The following RAB3GAP1 variants were observed in gnomAD, a reference collection of about 807,000 sequenced individuals.
RAB3GAP1 encodes rab3 GTPase-activating protein catalytic subunit.
In RAB3GAP1, 86 loss-of-function variants were observed where a neutral mutation model predicts 130.7. That is an observed-to-expected ratio of 0.66 (90% CI 0.55 to 0.79). The LOEUF (loss-of-function observed/expected upper bound fraction) is 0.79. RAB3GAP1 is among the 30% of genes least tolerant of loss of function. The pLI is 0.00. For synonymous variants in RAB3GAP1, 367 were observed against 401.7 expected, an observed-to-expected ratio of 0.91 and a Z score of 1.03; for missense variants, 1,029 against 1,169.4, an observed-to-expected ratio of 0.88 and a Z score of 1.75.
At chr2:135,127,206 G>A (rs1414091971) in intron 11 of RAB3GAP1, among the ~76,000 whole-genome samples, 1 of 146,088 alleles carries the variant, frequency 6.8e-6, no homozygotes, top group Non-Finnish European at 1.5e-5. Context: ...TTTTTTTTCC[G>A]GATGCTTTTA....
intron 17 of RAB3GAP1, among the ~76,000 whole-genome samples, chr2:135,140,811 C>CAT (rs1691817776): frequency 6.6e-6 from 1 of 152,182 alleles, no homozygotes; most frequent in Admixed American, 6.5e-5. Flanking sequence ...AGTGTTTAGG[C>CAT]ATAGTGAGTC....
At chr2:135,069,232 T>A (rs1689403596) in intron 3 of RAB3GAP1, among the ~76,000 whole-genome samples, 1 of 152,222 alleles carries the variant, frequency 6.6e-6, no homozygotes, top group African/African-American at 2.4e-5. Flanking sequence ...TTGTATAAGA[T>A]ATGCAGTGTA....
intron 7 of RAB3GAP1, among the ~76,000 whole-genome samples, chr2:135,119,837 G>T (rs1039091949): frequency 6.6e-6 from 1 of 152,214 alleles, no homozygotes; most frequent in Non-Finnish European, 1.5e-5. Flanking sequence ...TTCCCTAGGT[G>T]ATTCCTATGC....
intron 14 of RAB3GAP1, 57 bp downstream of exon 14, chr2:135,133,041 G>T: frequency 9.6e-7 from 1 of 1,037,256 alleles, no homozygotes; most frequent in Non-Finnish European, 1.5e-6. Flanking sequence ...ATTTCTAGAG[G>T]TTCTATATAT....
At chr2:135,126,130 A>G (rs779228905) in intron 9 of RAB3GAP1, 51 bp from the exon 10 acceptor site, 5 of 1,303,560 alleles carry the variant, frequency 3.8e-6, no homozygotes. Flanking sequence ...AGTATTAAAT[A>G]TAATTGCTGA....
chr2:135,140,497 CAAG>C (rs1558796155), intron 17 of RAB3GAP1, among the ~76,000 whole-genome samples: 1 of 152,156 alleles, frequency 6.6e-6, no homozygotes. Context: ...TAATTTATTA[CAAG>C]AAGATCAGCA....
At chr2:135,109,999 G>T (rs746224444) in intron 5 of RAB3GAP1, among the ~76,000 whole-genome samples, 2 of 151,684 alleles carry the variant, frequency 1.3e-5, no homozygotes, top group Non-Finnish European at 2.9e-5. Flanking sequence ...AAGCTCCCAC[G>T]TAATGTTAGT....
At chr2:135,108,016 G>C (rs1690683704) in intron 5 of RAB3GAP1, among the ~76,000 whole-genome samples, 1 of 145,422 alleles carries the variant, frequency 6.9e-6, no homozygotes, top group South Asian at 2.2e-4. Flanking sequence ...CACAAAATAA[G>C]TGGTATGGTT....
At chr2:135,143,419 A>G (rs1691901371) in intron 17 of RAB3GAP1, among the ~76,000 whole-genome samples, 1 of 151,464 alleles carries the variant, frequency 6.6e-6, no homozygotes, top group Admixed American at 6.6e-5. Flanking sequence ...TTCTCTGTTG[A>G]TTTTGTTTTC....
At chr2:135,142,604 CA>C (rs1371372491) in intron 17 of RAB3GAP1, among the ~76,000 whole-genome samples, 1 of 152,114 alleles carries the variant, frequency 6.6e-6, no homozygotes, top group Non-Finnish European at 1.5e-5. Flanking sequence ...AGAAAGAAAG[CA>C]TATGATAGTC....
At position 135,168,616 on chromosome 2, in the gene RAB3GAP1, C is replaced by T. The variant is rs754312720; in HGVS notation, c.2781C>T (p.Ser927=). The T allele has an allele frequency of 6.2e-6, 10 of 1,614,060 alleles. No homozygotes were observed. The East Asian group carries it at 8.9e-5, about 14-fold the overall frequency. ...MGSPEERRQN[S]VSDFPPPAGR... is the part of the protein sequence containing the mutation. ...CCCCAGAGGAAAGAAGGCAGAACTC[C>T]GTGTCAGACTTCCCACCCCCTGCTG... The change falls in exon 24 of 24, where the codon TCC becomes TCT. Residue 927 remains serine (S), a synonymous_variant. Coordinates refer to ENST00000264158, the MANE Select transcript of RAB3GAP1 (RefSeq NM_012233.3).
At chr2:135,126,986 C>T (rs951878535) in intron 11 of RAB3GAP1, among the ~76,000 whole-genome samples, 2 of 151,940 alleles carry the variant, frequency 1.3e-5, no homozygotes, top group South Asian at 4.1e-4. Flanking sequence ...AGTGATTCTC[C>T]TCCCTCAGCC....
chr2:135,080,196 C>T (rs1288851321), intron 3 of RAB3GAP1, among the ~76,000 whole-genome samples: 1 of 151,474 alleles, frequency 6.6e-6, no homozygotes, highest in East Asian at 1.9e-4. Context: ...GGTACACACA[C>T]ATGAATTATC....
chr2:135,067,931 G>A (rs1224684712), intron 3 of RAB3GAP1, among the ~76,000 whole-genome samples: 1 of 152,002 alleles, frequency 6.6e-6, no homozygotes, highest in Non-Finnish European at 1.5e-5. Flanking sequence ...GTAGAAATAA[G>A]GTCTCACTAT....
Position 135,169,876 on chromosome 2 carries a change from C to T in RAB3GAP1, c.*1095C>T. On this transcript the variant is annotated 3_prime_UTR_variant, in exon 24 of 24. Coordinates refer to ENST00000264158, the MANE Select transcript of RAB3GAP1 (RefSeq NM_012233.3). ...AATCTTATTTTTAGGCCTAAAATTC[C>T]CACTTAAATCCAAAGTAAAAATGGT... 2 of 393,332 alleles carry T rather than the reference C, an allele frequency of 5.1e-6. No homozygotes were observed. Among genetic ancestry groups the T allele is most frequent in the East Asian group, 7.6e-5 (1 of 13,212 alleles). The allele number at this position is 393,332 out of a possible 1,614,324, so 24.4% of individuals were successfully genotyped here.
downstream of RAB3GAP1, among the ~76,000 whole-genome samples, chr2:135,172,456 T>C (rs2105013504): frequency 6.6e-6 from 1 of 151,214 alleles, no homozygotes; most frequent in South Asian, 2.1e-4. Flanking sequence ...AAAATCCCAT[T>C]GGCCACTGTG....
At chr2:135,139,714 A>G (rs1427581367) in intron 17 of RAB3GAP1, among the ~76,000 whole-genome samples, 1 of 152,202 alleles carries the variant, frequency 6.6e-6, no homozygotes, top group Non-Finnish European at 1.5e-5. Context: ...GAAATTCTCT[A>G]CATTCTCTGT....
chr2:135,108,897 A>T (rs938214246), intron 5 of RAB3GAP1, among the ~76,000 whole-genome samples: 15 of 152,176 alleles, frequency 9.9e-5, no homozygotes, highest in Admixed American at 3.9e-4. Flanking sequence ...ATTTTTTTGT[A>T]TGTGGATGTC....
At chr2:135,112,815 GTCTCTCTCTC>G (rs377254626) in intron 5 of RAB3GAP1, among the ~76,000 whole-genome samples, 236 of 147,012 alleles carry the variant, frequency 1.6e-3, no homozygotes, top group African/African-American at 3.0e-3. Flanking sequence ...AACTGTCAAA[GTCTCTCTCTC>G]TCTCTCTCTC....
Sources: allele counts gnomAD v4.1 joint callset (sites outside exome capture counted in the v4.1 genomes callset), GRCh38; gene constraint gnomAD v4.1.1; transcripts MANE v1.5; gene names NCBI Gene and HGNC (gene_info 2026-07-23, HGNC 2026-07-21).